The following INTS4 variants were observed in gnomAD, a reference collection of about 807,000 sequenced individuals.
INTS4 encodes the protein MSTP093.
A neutral mutation model predicts 119.5 loss-of-function variants in INTS4; 70 were observed. The ratio of observed to expected loss-of-function variants is 0.59; its 90% CI spans 0.48 to 0.71. INTS4 has a LOEUF of 0.71. INTS4 is among the 30% of genes least tolerant of loss of function. INTS4 has a pLI of 0.00. For synonymous variants in INTS4, 316 were observed against 419.6 expected, an observed-to-expected ratio of 0.75 and a Z score of 3.02; for missense variants, 867 against 1,173.2, an observed-to-expected ratio of 0.74 and a Z score of 3.81.
chr11:77,907,634 T>C (rs763517978), intron 16 of INTS4, 83 bp downstream of exon 16: 2 of 935,084 alleles, frequency 2.1e-6, no homozygotes, highest in Non-Finnish European at 3.4e-6. Flanking sequence ...ATAAGTTTTA[T>C]AACTTATGGC....
chr11:77,979,977 CAAA>C (rs1254017443), intron 3 of INTS4, among the ~76,000 whole-genome samples: 2 of 41,648 alleles, frequency 4.8e-5, no homozygotes, highest in Non-Finnish European at 4.9e-5. Flanking sequence ...GACTCCATCT[CAAA>C]AAAAAAAAAA....
At chr11:77,920,182 T>TATATACACATATATAC (rs1953307295) in intron 14 of INTS4, among the ~76,000 whole-genome samples, 1 of 98,098 alleles carries the variant, frequency 1.0e-5, no homozygotes, top group African/African-American at 4.0e-5. Context: ...CATATACATA[T>TATATACACATATATAC]ACACATATAT....
At chr11:77,941,808 T>G (rs1346086406) in intron 8 of INTS4, among the ~76,000 whole-genome samples, 1 of 152,128 alleles carries the variant, frequency 6.6e-6, no homozygotes, top group Non-Finnish European at 1.5e-5. Flanking sequence ...GCCCGGCCAC[T>G]ATGTGTCATG....
At chr11:77,948,278 A>G (rs1954095975) in intron 8 of INTS4, among the ~76,000 whole-genome samples, 1 of 152,268 alleles carries the variant, frequency 6.6e-6, no homozygotes, top group Non-Finnish European at 1.5e-5. Context: ...AAAGGAAGAC[A>G]AGAACAAAGG....
At position 77,891,791 on chromosome 11, in the gene INTS4, G is replaced by C. The variant is rs767731234; in HGVS notation, c.2338C>G (p.Leu780Val). ...PHLQDSFVDK[L>V]LDLMPRLMTS... ...ATGAGTCGGGGCATAAGGTCAAGGA[G>C]TTTGTCCACAAAGCTGTCCTGCAAG... is the stretch of plus-strand genomic sequence containing the variant. The change falls in exon 20 of 23, where the codon CTC (leucine) becomes GTC (valine). Residue 780 changes from leucine (L) to valine (V), a missense_variant. Physicochemically the swap from Leu to Val is conservative, Grantham distance 32 (BLOSUM62 1). Transcript: ENST00000534064. 1.2e-6 allele frequency: 2 copies of C among 1,612,002 alleles called. No homozygotes were observed. Among genetic ancestry groups the C allele is most frequent in the Admixed American group, 3.3e-5 (2 of 60,016 alleles).
chr11:77,982,925 G>A (rs772983895), intron 2 of INTS4, among the ~76,000 whole-genome samples: 34 of 152,192 alleles, frequency 2.2e-4, no homozygotes, highest in Non-Finnish European at 4.3e-4. Flanking sequence ...TAGATACAGC[G>A]TTGGAAGATC....
At chr11:77,885,198 C>T (rs1207831373) in intron 21 of INTS4, among the ~76,000 whole-genome samples, 4 of 152,150 alleles carry the variant, frequency 2.6e-5, no homozygotes, top group Admixed American at 2.6e-4. Context: ...CTGCCTCAGC[C>T]TCCCAAGTAG....
At chr11:77,973,423 T>C (rs532004436) in intron 4 of INTS4, among the ~76,000 whole-genome samples, 63 of 152,328 alleles carry the variant, frequency 4.1e-4, no homozygotes, top group South Asian at 1.2e-3. Flanking sequence ...CTAATATCCC[T>C]GGCAAGAACC....
At chr11:77,917,261 G>A (rs1953225081) in intron 15 of INTS4, among the ~76,000 whole-genome samples, 1 of 151,780 alleles carries the variant, frequency 6.6e-6, no homozygotes, top group South Asian at 2.1e-4. Context: ...CTTCCGGGCA[G>A]ATCAAAAGAG....
intron 2 of INTS4, among the ~76,000 whole-genome samples, chr11:77,990,380 C>T (rs948899409): frequency 2.0e-5 from 3 of 151,996 alleles, no homozygotes; most frequent in African/African-American, 7.2e-5. Flanking sequence ...GACAGTGAGC[C>T]TCTGTCTCAA....
intron 14 of INTS4, among the ~76,000 whole-genome samples, chr11:77,920,768 A>T (rs1591058040): frequency 6.6e-6 from 1 of 151,818 alleles, no homozygotes. Context: ...AGGAGAATGG[A>T]GTGAACCTGG....
chr11:77,956,996 G>A (rs1386046130), intron 7 of INTS4, among the ~76,000 whole-genome samples: 5 of 152,002 alleles, frequency 3.3e-5, no homozygotes, highest in Non-Finnish European at 5.9e-5. Flanking sequence ...GTGCAGTGGC[G>A]TGAGCACTGC....
At chr11:77,986,833 G>C (rs1856478501) in intron 2 of INTS4, among the ~76,000 whole-genome samples, 1 of 149,080 alleles carries the variant, frequency 6.7e-6, no homozygotes, top group South Asian at 2.2e-4. Context: ...ACCGGGGCCT[G>C]TTGGGGAGTG....
intron 4 of INTS4, among the ~76,000 whole-genome samples, chr11:77,974,105 A>G (rs933614024): frequency 1.3e-5 from 2 of 152,112 alleles, no homozygotes; most frequent in African/African-American, 4.8e-5. Context: ...TTAATCACTA[A>G]TTCAATTACT....
Position 77,894,232 on chromosome 11 carries a change from A to C in INTS4, c.2288+58T>G, listed in dbSNP as rs79318882. The C allele has an allele frequency of 1.7e-3, 1,399 of 840,302 alleles. 15 individuals are homozygous for C. In the African/African-American group the frequency reaches 0.022, roughly 13 times the overall value. 52.1% of individuals were successfully genotyped at this position (840,302 alleles called of 1,614,324 possible). A position where few individuals can be genotyped will look rare whatever the true frequency, so the allele number is the denominator to read the frequency against. ...TTTGTGATTGTTCCTATTGCCTGCA[A>C]GTGCTATACTCCATGTAACCAAGAT... On this transcript the variant is annotated intron_variant, in intron 19 of 22. Coordinates refer to ENST00000534064, the MANE Select transcript of INTS4 (RefSeq NM_033547.4).
intron 21 of INTS4, among the ~76,000 whole-genome samples, 168 bp downstream of exon 21, chr11:77,891,151 C>A (rs1952244684): frequency 1.3e-5 from 2 of 152,154 alleles, no homozygotes; most frequent in African/African-American, 2.4e-5. Flanking sequence ...TGCTCCAAAC[C>A]ACACTCAGCA....
Position 77,895,309 on chromosome 11 carries a change from C to T in INTS4, c.2229-960G>A, listed in dbSNP as rs140046754. On this transcript the variant is annotated intron_variant, in intron 18 of 22. Transcript: ENST00000534064. ...AGTTCCCACCAAGATAAAACAAATA[C>T]TCTTTCCTTATGTAAAAATATTTAA... Among the ~76,000 whole-genome samples the T allele has an allele frequency of 4.6e-3, 700 of 151,860 alleles. 3 individuals are homozygous for T. The highest frequency in any genetic ancestry group is 0.016 in the African/African-American group (677 of 41,428).
chr11:77,933,182 CT>C (rs1158618989), intron 10 of INTS4, among the ~76,000 whole-genome samples: 1 of 151,938 alleles, frequency 6.6e-6, no homozygotes, highest in Admixed American at 6.6e-5. Context: ...AAAAGTGGCC[CT>C]CTCCCTGTCC....
intron 4 of INTS4, chr11:77,963,527 A>C: frequency 2.5e-6 from 1 of 393,692 alleles, no homozygotes; most frequent in Non-Finnish European, 4.8e-6. Context: ...TAAGGAAACC[A>C]CATCCCCAAT....
Sources: allele counts gnomAD v4.1 joint callset (sites outside exome capture counted in the v4.1 genomes callset), GRCh38; gene constraint gnomAD v4.1.1; transcripts MANE v1.5; gene names NCBI Gene and HGNC (gene_info 2026-07-23, HGNC 2026-07-21).